The following DOK5 variants were observed in gnomAD, a reference collection of about 807,000 sequenced individuals.
DOK5 encodes downstream of tyrosine kinase 5.
A neutral mutation model predicts 43.3 loss-of-function variants in DOK5; 27 were observed. The ratio of observed to expected loss-of-function variants is 0.62; its 90% CI spans 0.46 to 0.86. DOK5 has a LOEUF of 0.86. Ranked by LOEUF, DOK5 falls within the 40% of genes least tolerant of loss-of-function variation. DOK5 has a pLI of 0.00. For synonymous variants in DOK5, 146 were observed against 140.1 expected, an observed-to-expected ratio of 1.04 and a Z score of -0.30; for missense variants, 373 against 392.9, an observed-to-expected ratio of 0.95 and a Z score of 0.43.
chr20:54,534,838 T>C (rs926416435), intron 1 of DOK5, among the ~76,000 whole-genome samples: 1 of 151,952 alleles, frequency 6.6e-6, no homozygotes, highest in African/African-American at 2.4e-5. Context: ...TTTCTTTCTT[T>C]CTTTCTTTCT....
At chr20:54,647,239 T>G (rs954333319) in intron 7 of DOK5, among the ~76,000 whole-genome samples, 1 of 152,142 alleles carries the variant, frequency 6.6e-6, no homozygotes, top group African/African-American at 2.4e-5. Flanking sequence ...GCGTGGTGGC[T>G]CACACCTGTA....
At chr20:54,506,182 G>A (rs6014041) in intron 1 of DOK5, among the ~76,000 whole-genome samples, 4,992 of 152,186 alleles carry the variant, frequency 0.033, 275 homozygotes, top group African/African-American at 0.11. Context: ...AAGAAAGAGA[G>A]AAGTCAGGAA....
At chr20:54,604,181 A>C (rs1337532652) in intron 5 of DOK5, among the ~76,000 whole-genome samples, 1 of 151,678 alleles carries the variant, frequency 6.6e-6, no homozygotes, top group South Asian at 2.1e-4. Flanking sequence ...CTCCTGACCT[A>C]GTGATCCACC....
At chr20:54,632,800 G>A (rs961569861) in intron 6 of DOK5, among the ~76,000 whole-genome samples, 1 of 152,166 alleles carries the variant, frequency 6.6e-6, no homozygotes, top group African/African-American at 2.4e-5. Context: ...TTCCTGGCCG[G>A]GAGCAGTGGC....
intron 2 of DOK5, among the ~76,000 whole-genome samples, chr20:54,585,654 G>A (rs1985778632): frequency 6.6e-6 from 1 of 152,178 alleles, no homozygotes; most frequent in African/African-American, 2.4e-5. Flanking sequence ...AGTCATTAGT[G>A]TTTCAGATGC....
At chr20:54,476,238 G>A (rs908440205) in intron 1 of DOK5, 5 of 979,248 alleles carry the variant, frequency 5.1e-6, no homozygotes, top group Admixed American at 6.2e-5. Flanking sequence ...TCTGATGGTG[G>A]CCGCGTGTTG....
intron 5 of DOK5, among the ~76,000 whole-genome samples, chr20:54,609,046 G>A (rs987132726): frequency 1.3e-4 from 20 of 152,034 alleles, no homozygotes; most frequent in African/African-American, 4.4e-4. Context: ...AATGGGTTTT[G>A]GCCCACTACT....
Position 54,588,794 on chromosome 20 carries a change from A to G in DOK5, c.397A>G (p.Arg133Gly), listed in dbSNP as rs1011030736. ...EPDLLATGVE[R>G]EQSERFNVYL... The stretch of plus-strand genomic sequence containing the variant: ...TGACTTACTGGCCACTGGGGTTGAG[A>G]GAGAACAGAGTGGTATGTAAAGAAA... Residue 133 changes from arginine to glycine, a missense_variant, in exon 4 of 8, where the codon AGA becomes GGA. By Grantham distance (125) the Arg-to-Gly change is moderately radical. Coordinates refer to ENST00000262593, the MANE Select transcript of DOK5 (RefSeq NM_018431.5). 6 of 1,613,962 alleles carry G rather than the reference A, an allele frequency of 3.7e-6. No individual in the cohort carries two copies. Among genetic ancestry groups the G allele is most frequent in the Non-Finnish European group, 5.1e-6 (6 of 1,179,874 alleles).
At chr20:54,534,542 T>C (rs1983887356) in intron 1 of DOK5, among the ~76,000 whole-genome samples, 1 of 152,220 alleles carries the variant, frequency 6.6e-6, no homozygotes, top group Non-Finnish European at 1.5e-5. Flanking sequence ...TGCTTAAGTG[T>C]CTGAGTCCTA....
At chr20:54,633,705 C>G (rs1185695249) in intron 6 of DOK5, among the ~76,000 whole-genome samples, 2 of 152,048 alleles carry the variant, frequency 1.3e-5, no homozygotes, top group Non-Finnish European at 2.9e-5. Flanking sequence ...TTGGCAAAGA[C>G]CCCACTTGAG....
chr20:54,558,825 T>C (rs1236468747), intron 2 of DOK5, among the ~76,000 whole-genome samples: 3 of 152,164 alleles, frequency 2.0e-5, no homozygotes, highest in Non-Finnish European at 4.4e-5. Context: ...AATGCCAGTT[T>C]TGCATATCTG....
At chr20:54,575,669 G>A (rs1278909309) in intron 2 of DOK5, among the ~76,000 whole-genome samples, 1 of 152,160 alleles carries the variant, frequency 6.6e-6, no homozygotes, top group East Asian at 1.9e-4. Context: ...TCAGACTCCT[G>A]ACCTCAAATG....
chr20:54,634,741 A>G (rs1376628130), intron 6 of DOK5, among the ~76,000 whole-genome samples: 2 of 149,876 alleles, frequency 1.3e-5, no homozygotes, highest in South Asian at 2.1e-4. Flanking sequence ...AATAATCTTC[A>G]GGGCATATAC....
chr20:54,509,956 G>C (rs956492573), intron 1 of DOK5, among the ~76,000 whole-genome samples: 3 of 151,716 alleles, frequency 2.0e-5, no homozygotes, highest in African/African-American at 4.8e-5. Flanking sequence ...ATACTGGGGT[G>C]GGGGGATGGG....
intron 1 of DOK5, 96 bp from the exon 2 acceptor site, chr20:54,554,837 C>A (rs1984655426): frequency 5.1e-6 from 4 of 777,330 alleles, no homozygotes; most frequent in Non-Finnish European, 8.4e-6. Flanking sequence ...TTCTGGCTTG[C>A]AAATATTTCA....
At chr20:54,578,449 T>C (rs1985527280) in intron 2 of DOK5, among the ~76,000 whole-genome samples, 1 of 152,076 alleles carries the variant, frequency 6.6e-6, no homozygotes, top group South Asian at 2.1e-4. Context: ...AGTTGAGGAA[T>C]TGAGAAGAGT....
chr20:54,479,753 C>A (rs1248500367), intron 1 of DOK5, among the ~76,000 whole-genome samples: 1 of 152,118 alleles, frequency 6.6e-6, no homozygotes, highest in Non-Finnish European at 1.5e-5. Flanking sequence ...CCTGTCTATC[C>A]CACATCTCCA....
intron 1 of DOK5, among the ~76,000 whole-genome samples, chr20:54,545,257 AG>A (rs1984300972): frequency 6.6e-6 from 1 of 152,198 alleles, no homozygotes; most frequent in South Asian, 2.1e-4. Context: ...GATAGGATGG[AG>A]GGGCATTACC....
At chr20:54,618,981 C>T (rs951156999) in intron 6 of DOK5, among the ~76,000 whole-genome samples, 20 of 139,888 alleles carry the variant, frequency 1.4e-4, no homozygotes, top group African/African-American at 5.3e-4. Flanking sequence ...AGTGCTACTG[C>T]CCTCCAGCCT....
Sources: gnomAD v4.1 joint callset for allele counts (sites outside exome capture counted in the v4.1 genomes callset) on GRCh38, gnomAD v4.1.1 for gene constraint, MANE v1.5 for transcripts, NCBI Gene and HGNC (gene_info 2026-07-23, HGNC 2026-07-21) for gene names.